EXD1: variants seen among roughly 807,000 people sequenced by gnomAD.
The protein encoded by EXD1 is piRNA biogenesis protein EXD1.
A neutral mutation model predicts 49.1 loss-of-function variants in EXD1; 63 were observed. The observed-to-expected ratio is 1.28, with a 90% CI of 1.05 to 1.58. EXD1 has a LOEUF of 1.58. Among genes scored for constraint, EXD1 ranks in the 40% most tolerant of loss-of-function variants. The pLI is 0.00. For synonymous variants in EXD1, 234 were observed against 239.2 expected (o/e 0.98, Z 0.20); for missense variants, 748 against 666.0 (o/e 1.12, Z -1.36).
At chr15:41,213,353 C>A (rs1468011861) in intron 6 of EXD1, among the ~76,000 whole-genome samples, 1 of 151,904 alleles carries the variant, frequency 6.6e-6, no homozygotes, top group Non-Finnish European at 1.5e-5. Flanking sequence ...AGACACGCAC[C>A]ACCACACCCA....
rs1187093511 is a variant in EXD1 at position 41,203,916 on chromosome 15, CAAA to C, written c.534+5582_534+5584del. On this transcript the variant is annotated intron_variant, in intron 7 of 11. Coordinates refer to ENST00000458580, the MANE Select transcript of EXD1 (RefSeq NM_001286441.2). ...TGGGCAAAAGAGCAAGACTTCTCCT[CAAA>C]AAAAAAAAAAAAAAAAAAAAAAAAA... is the stretch of plus-strand genomic sequence containing the variant. Among the ~76,000 whole-genome samples, 35 of 23,240 alleles carry C rather than the reference CAAA, an allele frequency of 1.5e-3. No individual in the cohort carries two copies. In the South Asian group the frequency reaches 0.06, roughly 40 times the overall value. 15.2% of individuals were successfully genotyped at this position (23,240 alleles called of 152,430 possible).
At chr15:41,228,058 A>T (rs776486958) in intron 1 of EXD1, among the ~76,000 whole-genome samples, 22 of 152,228 alleles carry the variant, frequency 1.4e-4, no homozygotes, top group Non-Finnish European at 3.1e-4. Flanking sequence ...CTCAAAAAAC[A>T]AAACAAAACA....
chr15:41,191,794 T>G (rs2046523743), intron 9 of EXD1, among the ~76,000 whole-genome samples: 1 of 151,980 alleles, frequency 6.6e-6, no homozygotes, highest in African/African-American at 2.4e-5. Flanking sequence ...TTTTTTTTTT[T>G]GAGGTGGAGT....
At chr15:41,217,836 G>A (rs953250597) in intron 3 of EXD1, among the ~76,000 whole-genome samples, 6 of 151,988 alleles carry the variant, frequency 3.9e-5, no homozygotes, top group African/African-American at 1.2e-4. Flanking sequence ...ATCTGGCCTC[G>A]TTTAGGTACT....
intron 10 of EXD1, chr15:41,190,466 CGAG>C (rs2046495226): frequency 3.8e-6 from 1 of 261,502 alleles, no homozygotes; most frequent in Admixed American, 4.7e-5. Flanking sequence ...GGTGACAGAG[CGAG>C]ACTCCGTCTC....
At chr15:41,217,843 T>C (rs2047024830) in intron 3 of EXD1, among the ~76,000 whole-genome samples, 1 of 152,170 alleles carries the variant, frequency 6.6e-6, no homozygotes, top group Non-Finnish European at 1.5e-5. Flanking sequence ...CTCGTTTAGG[T>C]ACTTTTCAAG....
intron 7 of EXD1, among the ~76,000 whole-genome samples, chr15:41,208,014 A>G (rs1428104589): frequency 3.3e-5 from 5 of 151,080 alleles, no homozygotes. Flanking sequence ...CTGCCTCAAA[A>G]AAAAAAAAAA....
rs780566852 is a variant in EXD1, at chr15:41,217,077, A to G, written c.260+20T>C. 6 of 1,603,518 alleles carry G rather than the reference A, an allele frequency of 3.7e-6. No homozygotes were observed. The East Asian group carries it at 1.3e-4, about 36-fold the overall frequency. On this transcript the variant is annotated intron_variant, in intron 4 of 11. Coordinates refer to ENST00000458580, the MANE Select transcript of EXD1 (RefSeq NM_001286441.2). ...GCACATTTGGAAAATATCATAATTAAGAAAATTATTCCTTCTTACCTAACA... is the reference window on the plus strand; with the variant it reads ...GCACATTTGGAAAATATCATAATTAGGAAAATTATTCCTTCTTACCTAACA...
intron 6 of EXD1, among the ~76,000 whole-genome samples, chr15:41,213,856 C>A (rs965318222): frequency 5.3e-5 from 8 of 152,124 alleles, no homozygotes; most frequent in African/African-American, 1.7e-4. Flanking sequence ...AGAAAATGAG[C>A]TGTACATTTT....
chr15:41,227,336 T>G (rs1468098010), intron 1 of EXD1, among the ~76,000 whole-genome samples: 3 of 152,228 alleles, frequency 2.0e-5, no homozygotes, highest in African/African-American at 7.2e-5. Flanking sequence ...TTTTTTATTT[T>G]CTGTCCTATG....
chr15:41,195,145 G>A (rs2046589070), intron 9 of EXD1, among the ~76,000 whole-genome samples: 1 of 152,158 alleles, frequency 6.6e-6, no homozygotes, highest in African/African-American at 2.4e-5. Context: ...GCCTTTACTT[G>A]GGTGGCTGAG....
At chr15:41,217,207 A>G (rs1377240406) in intron 3 of EXD1, 53 bp from the exon 4 acceptor site, 2 of 1,408,540 alleles carry the variant, frequency 1.4e-6, no homozygotes, top group Non-Finnish European at 2.0e-6. Context: ...AAATCAATTA[A>G]CTACTCCACT....
intron 3 of EXD1, chr15:41,219,609 G>A (rs2047055454): frequency 4.9e-6 from 2 of 410,206 alleles, no homozygotes; most frequent in Middle Eastern, 5.8e-4. Context: ...GCTGGTCCGA[G>A]TCCGTAGTGA....
At chr15:41,208,695 C>T (rs1349190346) in intron 7 of EXD1, among the ~76,000 whole-genome samples, 1 of 151,752 alleles carries the variant, frequency 6.6e-6, no homozygotes, top group African/African-American at 2.4e-5. Flanking sequence ...GAGGTTGCAG[C>T]GAGCCGAGAT....
intron 11 of EXD1, among the ~76,000 whole-genome samples, chr15:41,185,573 G>A (rs1002611599): frequency 3.9e-5 from 6 of 152,076 alleles, no homozygotes; most frequent in African/African-American, 1.4e-4. Flanking sequence ...AAGTACAGTG[G>A]TGTGATCATG....
chr15:41,184,711 G>C, intron 11 of EXD1, 118 bp from the exon 12 acceptor site: 1 of 1,072,604 alleles, frequency 9.3e-7, no homozygotes, highest in Non-Finnish European at 1.3e-6. Context: ...CTGAAGTGCA[G>C]TGGCACGATC....
In EXD1 at chr15:41,190,069, G is replaced by C; in HGVS notation, c.924C>G (p.Ala308=). The change falls in exon 11 of 12, where the codon GCC becomes GCG. Residue 308 remains alanine (A), a synonymous_variant. Coordinates refer to ENST00000458580, the MANE Select transcript of EXD1 (RefSeq NM_001286441.2). ...GGGGTAACAGGTAGGTAGCTTCCAG[G>C]GCCAAAATTTTCAGTAAAGAGGGTG... is the stretch of plus-strand genomic sequence containing the variant. ...PVSPSLLKIL[A]LEATYLLPLR... 1 of 1,614,132 alleles carries C rather than the reference G, an allele frequency of 6.2e-7. No homozygotes were observed. Among genetic ancestry groups the C allele is most frequent in the African/African-American group, 1.3e-5 (1 of 75,024 alleles).
At chr15:41,186,211 C>T (rs1397780256) in intron 11 of EXD1, among the ~76,000 whole-genome samples, 2 of 152,022 alleles carry the variant, frequency 1.3e-5, no homozygotes, top group African/African-American at 4.8e-5. Flanking sequence ...GTGGCTCACG[C>T]CTGTAATCCC....
rs1187093511 is a variant in EXD1 at position 41,203,916 on chromosome 15, CAAAAAA to C, written c.534+5579_534+5584del. Among the ~76,000 whole-genome samples the C allele has an allele frequency of 6.5e-4, 15 of 23,244 alleles. No individual in the cohort carries two copies. The East Asian group carries it at 0.02, about 31-fold the overall frequency. The allele number at this position is 23,244 out of a possible 152,430, so 15.2% of individuals were successfully genotyped here. On this transcript the variant is annotated intron_variant, in intron 7 of 11. Coordinates refer to ENST00000458580, the MANE Select transcript of EXD1 (RefSeq NM_001286441.2). ...TGGGCAAAAGAGCAAGACTTCTCCT[CAAAAAA>C]AAAAAAAAAAAAAAAAAAAAAACCC... is the stretch of plus-strand genomic sequence containing the variant.
Sources: allele counts gnomAD v4.1 joint callset (sites outside exome capture counted in the v4.1 genomes callset), GRCh38; gene constraint gnomAD v4.1.1; transcripts MANE v1.5; gene names NCBI Gene and HGNC (gene_info 2026-07-23, HGNC 2026-07-21).